LRRC4C: variants seen among roughly 807,000 people sequenced by gnomAD.
The protein encoded by LRRC4C is leucine-rich repeat-containing protein 4C.
Under a neutral mutation model 33.6 loss-of-function variants are expected in LRRC4C, and 5 were observed. That is an observed-to-expected ratio of 0.15 (90% CI 0.08 to 0.31). The LOEUF is 0.31. Among genes scored for constraint, LRRC4C ranks in the 10% least tolerant of loss-of-function variants. The pLI is 1.00. For missense variants in LRRC4C, 560 were observed against 796.7 expected (o/e 0.70, Z 3.58); for synonymous variants, 329 against 302.0 (o/e 1.09, Z -0.93).
intron 1 of LRRC4C, among the ~76,000 whole-genome samples, chr11:41,068,690 T>C (rs1263524028): frequency 6.6e-6 from 1 of 151,946 alleles, no homozygotes; most frequent in African/African-American, 2.4e-5. Flanking sequence ...ATACACATAC[T>C]TATTCCCAGG....
chr11:40,297,574 C>T (rs1944574453), intron 4 of LRRC4C, among the ~76,000 whole-genome samples: 1 of 151,992 alleles, frequency 6.6e-6, no homozygotes, highest in Non-Finnish European at 1.5e-5. Context: ...GTCCTAAATA[C>T]TGATGTGCAA....
rs552308381 is a variant in LRRC4C, at chr11:41,304,708, C to G, written c.-496+154723G>C. On this transcript the variant is annotated intron_variant, in intron 1 of 6. Transcript: ENST00000528697. ...CCCCCGCCCGGCCAGCCACCCCGTC[C>G]GGGAGGGAGGTGGGGGTATCAGCCC... Among the ~76,000 whole-genome samples the G allele has an allele frequency of 9.2e-3, 662 of 71,946 alleles. 101 individuals carry two copies. The highest frequency in any genetic ancestry group is 0.033 in the African/African-American group (628 of 19,120). The allele number at this position is 71,946 out of a possible 152,430, so 47.2% of individuals were successfully genotyped here.
At chr11:40,466,048 A>G (rs1952635579) in intron 3 of LRRC4C, among the ~76,000 whole-genome samples, 1 of 152,118 alleles carries the variant, frequency 6.6e-6, no homozygotes, top group Admixed American at 6.6e-5. Flanking sequence ...CTGAATAAAG[A>G]AAATATCTAC....
chr11:40,420,604 A>G (rs1766403470), intron 3 of LRRC4C, among the ~76,000 whole-genome samples: 1 of 152,108 alleles, frequency 6.6e-6, no homozygotes, highest in South Asian at 2.1e-4. Flanking sequence ...TGAGTGTAAC[A>G]CTCTTTAGTG....
chr11:40,638,544 T>C (rs1941906114), intron 3 of LRRC4C, among the ~76,000 whole-genome samples: 1 of 152,214 alleles, frequency 6.6e-6, no homozygotes, highest in Admixed American at 6.5e-5. Flanking sequence ...TCGGACATAG[T>C]ATACATGAAG....
chr11:40,973,306 C>A (rs1273326741), intron 1 of LRRC4C, among the ~76,000 whole-genome samples: 1 of 151,420 alleles, frequency 6.6e-6, no homozygotes, highest in African/African-American at 2.4e-5. Flanking sequence ...AGCTGCAGAG[C>A]TAACTGATAA....
intron 1 of LRRC4C, among the ~76,000 whole-genome samples, chr11:41,245,884 T>C (rs566772953): frequency 1.3e-5 from 2 of 152,264 alleles, no homozygotes; most frequent in South Asian, 4.1e-4. Context: ...CAGGTGGTGC[T>C]GTTGTCTGCC....
chr11:40,227,107 T>C (rs1431413361), intron 5 of LRRC4C, among the ~76,000 whole-genome samples: 1 of 152,094 alleles, frequency 6.6e-6, no homozygotes, highest in Non-Finnish European at 1.5e-5. Flanking sequence ...ACACAAAGAG[T>C]GTTCTCCCTG....
chr11:40,999,924 G>C (rs1016380357), intron 1 of LRRC4C, among the ~76,000 whole-genome samples: 1 of 151,996 alleles, frequency 6.6e-6, no homozygotes, highest in African/African-American at 2.4e-5. Context: ...GCAACAAAGA[G>C]GACGCTACAT....
intron 3 of LRRC4C, among the ~76,000 whole-genome samples, chr11:40,474,295 G>C (rs949015464): frequency 6.6e-6 from 1 of 152,070 alleles, no homozygotes; most frequent in Non-Finnish European, 1.5e-5. Context: ...ACAACCATTG[G>C]ATCTTTGACA....
chr11:40,498,394 G>T (rs971743133), intron 3 of LRRC4C, among the ~76,000 whole-genome samples: 1 of 152,172 alleles, frequency 6.6e-6, no homozygotes, highest in African/African-American at 2.4e-5. Flanking sequence ...GCCGCAAATA[G>T]TTGGGAAGTT....
intron 1 of LRRC4C, among the ~76,000 whole-genome samples, chr11:41,073,570 C>T (rs1302714221): frequency 6.6e-6 from 1 of 152,148 alleles, no homozygotes; most frequent in Non-Finnish European, 1.5e-5. Flanking sequence ...TAGAACTCCA[C>T]TAGACAGTGA....
chr11:40,755,390 G>A (rs1018103709), intron 2 of LRRC4C, among the ~76,000 whole-genome samples: 6 of 151,974 alleles, frequency 3.9e-5, no homozygotes, highest in African/African-American at 1.4e-4. Context: ...AATTAGCCTC[G>A]AACTATACAG....
chr11:40,557,005 A>G (rs1004035172), intron 3 of LRRC4C, among the ~76,000 whole-genome samples: 1 of 152,080 alleles, frequency 6.6e-6, no homozygotes, highest in Non-Finnish European at 1.5e-5. Context: ...GGTTTTTTCC[A>G]TCTGTAAAAA....
intron 1 of LRRC4C, among the ~76,000 whole-genome samples, chr11:40,971,825 T>C (rs1585552): frequency 0.41 from 62,302 of 152,018 alleles, 14,124 homozygotes; most frequent in Non-Finnish European, 0.51. Flanking sequence ...TACACCAGTA[T>C]GTCCTGGATG....
chr11:41,197,881 C>T (rs1258727029), intron 1 of LRRC4C, among the ~76,000 whole-genome samples: 2 of 151,874 alleles, frequency 1.3e-5, no homozygotes, highest in Non-Finnish European at 2.9e-5. Context: ...TGCCTGACAT[C>T]TGGAAAATGC....
chr11:40,836,235 G>A (rs994461186), intron 2 of LRRC4C, among the ~76,000 whole-genome samples: 4 of 152,070 alleles, frequency 2.6e-5, no homozygotes, highest in Non-Finnish European at 1.5e-5. Flanking sequence ...GAAGGTGTAA[G>A]AACCTATGCC....
chr11:40,231,964 G>A lies in LRRC4C; in HGVS notation c.-96+9555C>T, dbSNP rs990775036. ...TTGTGTATTTTTAATCAAGACACTA[G>A]TGGCTAAAAATGGAAACAGAAGAGT... On this transcript the variant is annotated intron_variant, in intron 5 of 6. Transcript: ENST00000528697. 3.3e-5 allele frequency among the ~76,000 whole-genome samples: 5 copies of A among 152,250 alleles called. No individual in the cohort carries two copies. The East Asian group carries it at 9.7e-4, about 29-fold the overall frequency.
intron 3 of LRRC4C, among the ~76,000 whole-genome samples, chr11:40,610,938 T>C (rs1961153533): frequency 1.3e-5 from 2 of 151,836 alleles, no homozygotes; most frequent in Non-Finnish European, 1.5e-5. Flanking sequence ...TGTTTAAATG[T>C]CAATACTACC....
Sources: gnomAD v4.1 joint callset for allele counts (sites outside exome capture counted in the v4.1 genomes callset) on GRCh38, gnomAD v4.1.1 for gene constraint, MANE v1.5 for transcripts, NCBI Gene and HGNC (gene_info 2026-07-23, HGNC 2026-07-21) for gene names.